The following SIPA1L3 variants were observed in gnomAD, a reference collection of about 807,000 sequenced individuals.
SIPA1L3 encodes the protein signal-induced proliferation-associated 1-like protein 3.
SIPA1L3 carries 59 observed loss-of-function variants against 150.1 expected under a neutral mutation model. The ratio of observed to expected loss-of-function variants is 0.39; its 90% CI spans 0.32 to 0.49. SIPA1L3 has a LOEUF of 0.49. Among genes scored for constraint, SIPA1L3 ranks in the 20% least tolerant of loss-of-function variants. The probability of loss-of-function intolerance (pLI) is 0.86; values close to 1 mark genes in which losing one functional copy is unlikely to be tolerated. For missense variants in SIPA1L3, 2,211 were observed against 2,489.5 expected (o/e 0.89, Z 2.38); for synonymous variants, 1,070 against 1,077.6 (o/e 0.99, Z 0.14).
chr19:38,176,710 A>C (rs528800222), intron 15 of SIPA1L3, among the ~76,000 whole-genome samples: 70 of 152,242 alleles, frequency 4.6e-4, no homozygotes, highest in African/African-American at 1.2e-3. Flanking sequence ...GGAGGCTTAC[A>C]CCTGTAATCC....
At chr19:38,117,440 C>T (rs1039147007) in intron 8 of SIPA1L3, among the ~76,000 whole-genome samples, 2 of 151,898 alleles carry the variant, frequency 1.3e-5, no homozygotes, top group African/African-American at 4.8e-5. Flanking sequence ...ACCAACATGG[C>T]GAAACCCTGT....
intron 2 of SIPA1L3, among the ~76,000 whole-genome samples, chr19:38,071,607 G>T (rs1163479618): frequency 6.6e-6 from 1 of 152,146 alleles, no homozygotes; most frequent in Non-Finnish European, 1.5e-5. Context: ...ATTTAGAAAA[G>T]AATTTTTTTA....
Position 38,082,315 on chromosome 19 carries a change from C to A in SIPA1L3, c.750C>A (p.Leu250=). 6.3e-7 allele frequency: 1 copy of A among 1,599,126 alleles called. No individual in the cohort carries two copies. Reference sequence around the variant, plus strand: ...TCCGGGCAGATCCTGGCCCACACCTCATGGGGGGCGGCGGCGGAGCCAAGG... The same window carrying A: ...TCCGGGCAGATCCTGGCCCACACCTAATGGGGGGCGGCGGCGGAGCCAAGG... ...ELLRADPGPH[L]MGGGGGAKGD... The change falls in exon 3 of 22, where the codon CTC becomes CTA. Residue 250 remains leucine, a synonymous_variant. Transcript: ENST00000222345.
At chr19:38,119,242 A>T in intron 8 of SIPA1L3, 64 bp from the exon 9 acceptor site, 4 of 1,433,154 alleles carry the variant, frequency 2.8e-6, no homozygotes, top group South Asian at 2.6e-5. Flanking sequence ...TTGATCGAAT[A>T]TTTTCTCTCT....
Position 38,206,198 on chromosome 19 carries a change from C to G in SIPA1L3, c.5304C>G (p.Arg1768=). 1 of 1,561,396 alleles carries G rather than the reference C, an allele frequency of 6.4e-7. No homozygotes were observed. Among genetic ancestry groups the G allele is most frequent in the Non-Finnish European group, 8.7e-7 (1 of 1,152,774 alleles). ...CGCAGGCCGCCAGCGAGCAGCTGCG[C>G]AAGTTTGCGGAGATCTTCTGCAGGG... ...EESQAASEQL[R]KFAEIFCREK... is the part of the protein sequence containing the mutation. The change falls in exon 22 of 22, where the codon CGC becomes CGG. Residue 1768 remains arginine (R), a synonymous_variant. Transcript: ENST00000222345.
At chr19:37,997,415 A>G (rs1344217169) in intron 1 of SIPA1L3, among the ~76,000 whole-genome samples, 2 of 151,650 alleles carry the variant, frequency 1.3e-5, no homozygotes, top group African/African-American at 4.8e-5. Flanking sequence ...TAAAAATACA[A>G]AAATTAGCCA....
chr19:38,139,008 C>A (rs1971508265), intron 10 of SIPA1L3, among the ~76,000 whole-genome samples: 2 of 151,568 alleles, frequency 1.3e-5, no homozygotes. Flanking sequence ...CCAGCCTGGG[C>A]AACATGGTGA....
chr19:38,073,001 C>G (rs967014407), intron 2 of SIPA1L3, among the ~76,000 whole-genome samples: 3 of 152,268 alleles, frequency 2.0e-5, no homozygotes, highest in Non-Finnish European at 4.4e-5. Context: ...TGCGTCCCCA[C>G]TGGCCCAGAG....
chr19:38,186,836 C>T (rs1406887020), intron 16 of SIPA1L3, among the ~76,000 whole-genome samples: 2 of 149,424 alleles, frequency 1.3e-5, no homozygotes, highest in South Asian at 2.1e-4. Flanking sequence ...ACTAAAAATA[C>T]AAAATTAGCC....
chr19:38,181,613 G>C (rs994068395), intron 15 of SIPA1L3, among the ~76,000 whole-genome samples: 26 of 152,114 alleles, frequency 1.7e-4, no homozygotes, highest in African/African-American at 6.0e-4. Flanking sequence ...GGAGGCTGAG[G>C]TAGGCGGATC....
intron 1 of SIPA1L3, among the ~76,000 whole-genome samples, chr19:37,911,068 C>T (rs2046373445): frequency 2.0e-5 from 3 of 151,842 alleles, no homozygotes; most frequent in Admixed American, 2.0e-4. Context: ...CCCTCCACTC[C>T]AAAACCCCAT....
At chr19:38,124,104 A>AC (rs772168560) in intron 9 of SIPA1L3, among the ~76,000 whole-genome samples, 2 of 127,406 alleles carry the variant, frequency 1.6e-5, no homozygotes, top group African/African-American at 6.1e-5. Flanking sequence ...CGGGGGGCTG[A>AC]CCCCCCACCT....
chr19:38,030,955 A>G (rs1968642305), intron 2 of SIPA1L3, among the ~76,000 whole-genome samples: 2 of 152,040 alleles, frequency 1.3e-5, no homozygotes, highest in African/African-American at 4.8e-5. Flanking sequence ...GTGTCGGCCA[A>G]GCTGCGGGAA....
intron 15 of SIPA1L3, among the ~76,000 whole-genome samples, chr19:38,181,482 A>C (rs1972552647): frequency 6.6e-6 from 1 of 151,814 alleles, no homozygotes; most frequent in Non-Finnish European, 1.5e-5. Context: ...TAAACAAAAA[A>C]CCAATAATCC....
chr19:38,086,094 CAG>C (rs1480527477), intron 3 of SIPA1L3, among the ~76,000 whole-genome samples: 1 of 151,834 alleles, frequency 6.6e-6, no homozygotes, highest in Non-Finnish European at 1.5e-5. Context: ...CTGAAGTTGA[CAG>C]AATCTAGTAG....
intron 2 of SIPA1L3, among the ~76,000 whole-genome samples, chr19:38,080,635 T>C (rs778713890): frequency 2.0e-5 from 3 of 152,096 alleles, no homozygotes; most frequent in Non-Finnish European, 4.4e-5. Context: ...TTAAATCTTA[T>C]GTACTAGAGA....
At chr19:37,926,834 T>C (rs1184212628) in intron 1 of SIPA1L3, among the ~76,000 whole-genome samples, 1 of 152,190 alleles carries the variant, frequency 6.6e-6, no homozygotes, top group Admixed American at 6.5e-5. Flanking sequence ...CAGCAGCAAG[T>C]AGGCAATGTA....
chr19:38,168,503 A>T (rs535956865), intron 15 of SIPA1L3, among the ~76,000 whole-genome samples: 3 of 152,274 alleles, frequency 2.0e-5, no homozygotes, highest in South Asian at 4.1e-4. Flanking sequence ...GTGGAAAAAA[A>T]AACAAAAACC....
At position 38,201,910 on chromosome 19, in the gene SIPA1L3, C is replaced by T. The variant is rs746033807; in HGVS notation, c.5033C>T (p.Pro1678Leu). The change falls in exon 20 of 22, where the codon CCG becomes CTG. Residue 1678 changes from proline (P) to leucine (L), a missense_variant. This residue lies in a region of SIPA1L3 where 806 missense variants were observed against 870.1 expected (regional missense o/e 0.93). Transcript: ENST00000222345. ...TCTCTGAACGACCCGGCCCTGAGCC[C>T]GGACATCCCGCCTGCACACAGTCCT... ...LFSLNDPALS[P>L]DIPPAHSPVH... 41 of 1,613,806 alleles carry T rather than the reference C, an allele frequency of 2.5e-5. No homozygotes were observed. The highest frequency in any genetic ancestry group is 1.1e-4 in the African/African-American group (8 of 74,910).
Sources: gnomAD v4.1 joint callset for allele counts (sites outside exome capture counted in the v4.1 genomes callset) on GRCh38, gnomAD v4.1.1 for gene constraint, gnomAD v4.1.1 regional missense constraint, MANE v1.5 for transcripts, NCBI Gene and HGNC (gene_info 2026-07-23, HGNC 2026-07-21) for gene names.